Variants in PIGU observed in about 807,000 individuals in gnomAD.
PIGU encodes the protein GPI-anchor transamidase component PIGU.
In PIGU, 24 loss-of-function variants were observed where a neutral mutation model predicts 49.9. The ratio of observed to expected loss-of-function variants is 0.48; its 90% CI spans 0.35 to 0.68. The LOEUF (loss-of-function observed/expected upper bound fraction) is 0.68. PIGU is among the 30% of genes least tolerant of loss of function. The probability of loss-of-function intolerance (pLI) is 0.01; values close to 1 mark genes in which losing one functional copy is unlikely to be tolerated. For synonymous variants in PIGU, 220 were observed against 205.7 expected (o/e 1.07, Z -0.59); for missense variants, 490 against 532.6 (o/e 0.92, Z 0.79).
chr20:34,587,039 A>C (rs1983724928), intron 8 of PIGU, among the ~76,000 whole-genome samples: 1 of 152,230 alleles, frequency 6.6e-6, no homozygotes, highest in African/African-American at 2.4e-5. Context: ...TAAATGGGTT[A>C]ATCCCACCAT....
intron 11 of PIGU, among the ~76,000 whole-genome samples, chr20:34,563,639 A>C (rs1982624489): frequency 1.3e-5 from 2 of 151,668 alleles, no homozygotes; most frequent in Non-Finnish European, 2.9e-5. Flanking sequence ...GGGGGGAGAT[A>C]AATCTTCCTT....
At chr20:34,666,549 G>C (rs1011862880) in intron 1 of PIGU, among the ~76,000 whole-genome samples, 7 of 150,388 alleles carry the variant, frequency 4.7e-5, no homozygotes, top group African/African-American at 1.7e-4. Flanking sequence ...TTTATTTTTA[G>C]AGACAGGGGC....
intron 11 of PIGU, among the ~76,000 whole-genome samples, chr20:34,573,173 T>C (rs1168143484): frequency 3.3e-5 from 5 of 152,166 alleles, no homozygotes; most frequent in Non-Finnish European, 7.3e-5. Flanking sequence ...TTCTATTTTG[T>C]TTGACTTCTT....
chr20:34,658,450 G>A (rs1489746022), intron 1 of PIGU, among the ~76,000 whole-genome samples: 2 of 152,072 alleles, frequency 1.3e-5, no homozygotes, highest in Non-Finnish European at 2.9e-5. Context: ...CTGCCTGGCC[G>A]CCCATCATCT....
At chr20:34,657,305 A>G in intron 1 of PIGU, 61 bp from the exon 2 acceptor site, 1 of 1,258,824 alleles carries the variant, frequency 7.9e-7, no homozygotes, top group Non-Finnish European at 1.2e-6. Context: ...CCAAATTGTT[A>G]GATACCCCCA....
At chr20:34,660,681 T>C (rs186458063) in intron 1 of PIGU, among the ~76,000 whole-genome samples, 8 of 152,306 alleles carry the variant, frequency 5.3e-5, no homozygotes, top group African/African-American at 1.9e-4. Flanking sequence ...CAAGTACTCT[T>C]AAAAATATTA....
At chr20:34,591,419 A>C (rs1290002058) in intron 7 of PIGU, among the ~76,000 whole-genome samples, 1 of 152,194 alleles carries the variant, frequency 6.6e-6, no homozygotes, top group Non-Finnish European at 1.5e-5. Flanking sequence ...GATCTTACAA[A>C]TCATACTTAT....
chr20:34,585,279 C>T (rs1040109044), intron 9 of PIGU, among the ~76,000 whole-genome samples, 158 bp downstream of exon 9: 4 of 152,236 alleles, frequency 2.6e-5, no homozygotes, highest in African/African-American at 4.8e-5. Flanking sequence ...CCTGCTATGG[C>T]GCTGGCAACT....
chr20:34,561,584 C>T (rs1420236885), intron 11 of PIGU, among the ~76,000 whole-genome samples: 1 of 152,154 alleles, frequency 6.6e-6, no homozygotes, highest in African/African-American at 2.4e-5. Context: ...CCGTGCCCAC[C>T]CCATTCTCCC....
At chr20:34,587,233 T>A (rs1413391811) in intron 8 of PIGU, among the ~76,000 whole-genome samples, 1 of 152,152 alleles carries the variant, frequency 6.6e-6, no homozygotes, top group Non-Finnish European at 1.5e-5. Flanking sequence ...TGCAGGTGAT[T>A]CTGATGCACC....
intron 11 of PIGU, among the ~76,000 whole-genome samples, chr20:34,563,737 A>AG (rs1419569596): frequency 6.6e-6 from 1 of 151,982 alleles, no homozygotes; most frequent in Non-Finnish European, 1.5e-5. Context: ...TCCTAAGCCT[A>AG]GGGGGGTCTA....
chr20:34,590,524 C>T (rs1269047807), intron 7 of PIGU, among the ~76,000 whole-genome samples: 3 of 151,884 alleles, frequency 2.0e-5, no homozygotes, highest in South Asian at 2.1e-4. Context: ...ACCACGGCTG[C>T]ACTCCAGCCT....
intron 7 of PIGU, among the ~76,000 whole-genome samples, chr20:34,611,666 G>GAAAAAAAAAAAAAAAAAAAAA (rs1173299072): frequency 1.5e-5 from 1 of 65,756 alleles, no homozygotes; most frequent in Non-Finnish European, 3.1e-5. Context: ...AAAAAAAAAA[G>GAAAAAAAAAAAAAAAAAAAAA]ACAAAAAAAA....
At chr20:34,572,013 T>G (rs1256323978) in intron 11 of PIGU, among the ~76,000 whole-genome samples, 2 of 152,100 alleles carry the variant, frequency 1.3e-5, no homozygotes, top group Non-Finnish European at 2.9e-5. Flanking sequence ...GCCTGTAGGT[T>G]GGTGTGGCCT....
chr20:34,575,154 C>T lies in PIGU; in HGVS notation c.1144G>A (p.Ala382Thr), dbSNP rs780871793. 3.1e-6 allele frequency: 5 copies of T among 1,614,164 alleles called. No homozygotes were observed. The East Asian group carries it at 6.7e-5, about 22-fold the overall frequency. Residue 382 changes from alanine to threonine, a missense_variant, in exon 11 of 12, where the codon GCC becomes ACC. By Grantham distance (58) the Ala-to-Thr change is moderately conservative. Coordinates refer to ENST00000217446, the MANE Select transcript of PIGU (RefSeq NM_080476.5). ...LWHLWIYAGS[A>T]NSNFFYAITL... ...ATGGCATAAAAGAAATTAGAGTTGG[C>T]ACTTCCTGCATAAATCCAGAGGTGC...
chr20:34,634,407 G>A (rs893497564), intron 6 of PIGU, among the ~76,000 whole-genome samples: 4 of 152,042 alleles, frequency 2.6e-5, no homozygotes, highest in African/African-American at 9.7e-5. Context: ...AACAGTCACT[G>A]TCTGAGAAGT....
intron 4 of PIGU, among the ~76,000 whole-genome samples, chr20:34,643,034 T>A (rs1986219178): frequency 6.6e-6 from 1 of 151,872 alleles, no homozygotes; most frequent in Non-Finnish European, 1.5e-5. Context: ...CCATGCCCAA[T>A]TATTTCATCT....
At chr20:34,575,831 C>A (rs2146700386) in intron 10 of PIGU, among the ~76,000 whole-genome samples, 1 of 152,332 alleles carries the variant, frequency 6.6e-6, no homozygotes, top group Non-Finnish European at 1.5e-5. Flanking sequence ...CCGTCTCTCA[C>A]TCCTTGCCTC....
rs532083885 is a variant in PIGU at position 34,617,816 on chromosome 20, A to T, written c.530-1677T>A. 1.2e-4 allele frequency among the ~76,000 whole-genome samples: 18 copies of T among 152,320 alleles called. No individual in the cohort carries two copies. In the East Asian group the frequency reaches 3.3e-3, roughly 28 times the overall value. On this transcript the variant is annotated intron_variant, in intron 6 of 11. Coordinates refer to ENST00000217446, the MANE Select transcript of PIGU (RefSeq NM_080476.5). ...TCTCAACTTGAATTGTATCTCCCAG[A>T]ATTCCCATGTAATGTGGGAGGGACC...
Sources: allele counts gnomAD v4.1 joint callset (sites outside exome capture counted in the v4.1 genomes callset), GRCh38; gene constraint gnomAD v4.1.1; transcripts MANE v1.5; gene names NCBI Gene and HGNC (gene_info 2026-07-23, HGNC 2026-07-21).